Variants in GPR149 observed in about 807,000 individuals in gnomAD.
GPR149 encodes the protein probable G protein-coupled receptor 149.
GPR149 carries 50 observed loss-of-function variants against 50.2 expected under a neutral mutation model. That is an observed-to-expected ratio of 1.00 (90% CI 0.79 to 1.26). The LOEUF (loss-of-function observed/expected upper bound fraction) is 1.26, where lower values mean the gene tolerates loss of function less well. Ranked by LOEUF, GPR149 falls within the 50% of genes most tolerant of loss-of-function variation. The pLI is 0.00. For missense variants in GPR149, 983 were observed against 895.4 expected (o/e 1.10, Z -1.25); for synonymous variants, 405 against 358.2 (o/e 1.13, Z -1.48).
At chr3:154,417,264 A>AG (rs1474660243) in intron 3 of GPR149, among the ~76,000 whole-genome samples, 46 of 152,152 alleles carry the variant, frequency 3.0e-4, no homozygotes, top group Middle Eastern at 3.4e-3. Context: ...TTCAAAAAGA[A>AG]GTAATTGTGT....
intron 3 of GPR149, among the ~76,000 whole-genome samples, chr3:154,416,179 C>A (rs1711981791): frequency 6.6e-6 from 1 of 151,818 alleles, no homozygotes; most frequent in South Asian, 2.1e-4. Flanking sequence ...TTCTTCCAGC[C>A]TTATACTTTA....
At chr3:154,362,991 G>A (rs1015541032) in intron 3 of GPR149, among the ~76,000 whole-genome samples, 11 of 152,158 alleles carry the variant, frequency 7.2e-5, no homozygotes, top group African/African-American at 2.7e-4. Context: ...AATCTTTGAA[G>A]ACTCCTCTAA....
intron 3 of GPR149, chr3:154,353,226 T>C (rs1714128438): frequency 1.3e-6 from 2 of 1,526,352 alleles, no homozygotes; most frequent in Admixed American, 3.3e-5. Flanking sequence ...CTGAGACCAA[T>C]GACACTGAAT....
At chr3:154,388,394 A>T (rs1715093818) in intron 3 of GPR149, among the ~76,000 whole-genome samples, 1 of 152,046 alleles carries the variant, frequency 6.6e-6, no homozygotes, top group African/African-American at 2.4e-5. Flanking sequence ...GCTTTTCCTA[A>T]GTGTGTTAGG....
At chr3:154,346,571 G>A (rs12492781) in intron 3 of GPR149, among the ~76,000 whole-genome samples, 20,240 of 151,782 alleles carry the variant, frequency 0.13, 1,790 homozygotes, top group East Asian at 0.39. Flanking sequence ...AGGCCTTCAA[G>A]CTACAAATTA....
At chr3:154,380,175 AGAGAG>A (rs1714886429) in intron 3 of GPR149, among the ~76,000 whole-genome samples, 2 of 116,236 alleles carry the variant, frequency 1.7e-5, no homozygotes, top group African/African-American at 8.7e-5. Flanking sequence ...ACAGAGAGAG[AGAGAG>A]AGAGAGAGAG....
intron 3 of GPR149, among the ~76,000 whole-genome samples, chr3:154,386,584 A>T (rs1162317996): frequency 6.6e-6 from 1 of 152,214 alleles, no homozygotes; most frequent in Non-Finnish European, 1.5e-5. Context: ...GTGCAAACCA[A>T]TTCCTTCAAG....
intron 3 of GPR149, among the ~76,000 whole-genome samples, chr3:154,355,153 G>C (rs1285343184): frequency 6.6e-6 from 1 of 152,064 alleles, no homozygotes; most frequent in Non-Finnish European, 1.5e-5. Flanking sequence ...TCAGCCTCCT[G>C]TGTAGCTGGG....
intron 3 of GPR149, among the ~76,000 whole-genome samples, chr3:154,420,480 G>A (rs567596437): frequency 6.3e-4 from 96 of 151,992 alleles, no homozygotes; most frequent in African/African-American, 1.2e-3. Context: ...TGGAACATTC[G>A]TAAGGGCTTG....
chr3:154,377,782 A>G (rs574847099), intron 3 of GPR149, among the ~76,000 whole-genome samples: 1 of 152,274 alleles, frequency 6.6e-6, no homozygotes, highest in African/African-American at 2.4e-5. Context: ...GAGTTGTGAA[A>G]CCATCACCAC....
chr3:154,417,222 G>A (rs79457422), intron 3 of GPR149, among the ~76,000 whole-genome samples: 1 of 151,998 alleles, frequency 6.6e-6, no homozygotes, highest in African/African-American at 2.4e-5. Context: ...CTTTCAAAAT[G>A]GTAAACTGCT....
At chr3:154,368,591 G>A (rs896878048) in intron 3 of GPR149, among the ~76,000 whole-genome samples, 3 of 152,216 alleles carry the variant, frequency 2.0e-5, no homozygotes, top group Non-Finnish European at 4.4e-5. Flanking sequence ...TAGAGCCGTT[G>A]AATTGCTATT....
intron 3 of GPR149, among the ~76,000 whole-genome samples, chr3:154,338,950 A>G (rs1269918284): frequency 1.3e-5 from 2 of 152,198 alleles, no homozygotes; most frequent in Non-Finnish European, 2.9e-5. Flanking sequence ...TGCTTTATGT[A>G]TTAAGATTTT....
intron 1 of GPR149, among the ~76,000 whole-genome samples, chr3:154,428,423 A>G (rs894744702): frequency 1.3e-5 from 2 of 152,172 alleles, no homozygotes; most frequent in Non-Finnish European, 2.9e-5. Context: ...TTTTGAAAGG[A>G]GAAGCATTTA....
At chr3:154,413,146 A>G (rs1051245964) in intron 3 of GPR149, among the ~76,000 whole-genome samples, 8 of 152,240 alleles carry the variant, frequency 5.3e-5, no homozygotes, top group East Asian at 1.9e-4. Flanking sequence ...TTACACAAAA[A>G]TCAACTCAAG....
chr3:154,400,088 G>A (rs1313134357), intron 3 of GPR149, among the ~76,000 whole-genome samples: 4 of 152,050 alleles, frequency 2.6e-5, no homozygotes, highest in Non-Finnish European at 5.9e-5. Flanking sequence ...CCGGGTTCAC[G>A]CCATTCTCCT....
At chr3:154,350,104 A>G (rs114420790) in intron 3 of GPR149, among the ~76,000 whole-genome samples, 5,909 of 152,126 alleles carry the variant, frequency 0.039, 172 homozygotes, top group Non-Finnish European at 0.059. Flanking sequence ...GGCTGAGGTG[A>G]GAGGATCACT....
chr3:154,428,142 A>C (rs1310125297), intron 1 of GPR149, among the ~76,000 whole-genome samples: 1 of 152,078 alleles, frequency 6.6e-6, no homozygotes, highest in Non-Finnish European at 1.5e-5. Context: ...GGAAGGAGGA[A>C]CAAAAGCCTG....
In GPR149 at chr3:154,428,881, C is replaced by T. The variant is rs754858826; in HGVS notation, c.735G>A (p.Ala245=). The change falls in exon 1 of 4, where the codon GCG becomes GCA. Residue 245 remains alanine, a synonymous_variant. Transcript: ENST00000389740. ...GASIPGTPPT[A]GRVVSLSPED... ...CTGGGGACAGGGAAACCACTCTCCCCGCAGTAGGAGGGGTCCCAGGAATTG... is the reference window on the plus strand; with the variant it reads ...CTGGGGACAGGGAAACCACTCTCCCTGCAGTAGGAGGGGTCCCAGGAATTG... 14 of 1,613,972 alleles carry T rather than the reference C, an allele frequency of 8.7e-6. No homozygotes were observed. The highest frequency in any genetic ancestry group is 1.7e-5 in the Admixed American group (1 of 60,022).
Sources: gnomAD v4.1 joint callset for allele counts (sites outside exome capture counted in the v4.1 genomes callset) on GRCh38, gnomAD v4.1.1 for gene constraint, MANE v1.5 for transcripts, NCBI Gene and HGNC (gene_info 2026-07-23, HGNC 2026-07-21) for gene names.